POC1B: variants seen among roughly 807,000 people sequenced by gnomAD.
The protein encoded by POC1B is POC1 centriolar protein B.
A neutral mutation model predicts 60.6 loss-of-function variants in POC1B; 44 were observed. The ratio of observed to expected loss-of-function variants is 0.73; its 90% confidence interval spans 0.57 to 0.93. The LOEUF is 0.93. Ranked by LOEUF, POC1B falls within the 40% of genes least tolerant of loss-of-function variation. The pLI is 0.00. For synonymous variants in POC1B, 180 were observed against 198.9 expected (o/e 0.90, Z 0.80); for missense variants, 555 against 572.3 (o/e 0.97, Z 0.31).
At chr12:89,491,133 C>G (rs558985824) in intron 4 of POC1B, among the ~76,000 whole-genome samples, 1 of 152,286 alleles carries the variant, frequency 6.6e-6, no homozygotes, top group South Asian at 2.1e-4. Flanking sequence ...CCCCACCCAC[C>G]CTCACCTGTG....
At chr12:89,525,551 CTT>C in intron 1 of POC1B, 571 of 1,126,152 alleles carry the variant, frequency 5.1e-4, no homozygotes, top group East Asian at 2.0e-3. Context: ...GGCTTTGGTA[CTT>C]TTTTTTTTTT....
chr12:89,445,943 G>A (rs1881767315), intron 10 of POC1B, among the ~76,000 whole-genome samples: 2 of 152,264 alleles, frequency 1.3e-5, no homozygotes, highest in South Asian at 4.1e-4. Flanking sequence ...AATGGGCAAA[G>A]GATATAAACA....
chr12:89,511,566 A>C (rs1439338000), intron 2 of POC1B, among the ~76,000 whole-genome samples: 1 of 152,120 alleles, frequency 6.6e-6, no homozygotes, highest in Non-Finnish European at 1.5e-5. Flanking sequence ...TCAGCTTTCT[A>C]GTTTTACCTG....
intron 4 of POC1B, among the ~76,000 whole-genome samples, chr12:89,482,790 AG>A (rs1330437290): frequency 6.6e-6 from 1 of 152,154 alleles, no homozygotes; most frequent in Admixed American, 6.5e-5. Flanking sequence ...GTGTCTAAGG[AG>A]GGCCTGTGAT....
At chr12:89,434,899 G>C (rs1213496955) in intron 10 of POC1B, among the ~76,000 whole-genome samples, 1 of 152,070 alleles carries the variant, frequency 6.6e-6, no homozygotes, top group Non-Finnish European at 1.5e-5. Context: ...TTTTAAAAGG[G>C]ATAAAAGATT....
rs556304301 is a variant in POC1B at position 89,480,792 on chromosome 12, G to A, written c.453-8517C>T. Among the ~76,000 whole-genome samples, 7 of 152,200 alleles carry A rather than the reference G, an allele frequency of 4.6e-5. No individual in the cohort carries two copies. The East Asian group carries it at 9.7e-4, about 21-fold the overall frequency. ...ATTTTTTGTATTTTTAGTAGAGATGGAGTTTCACCATGTTAGCCAGGATGG... is the reference window on the plus strand; with the variant it reads ...ATTTTTTGTATTTTTAGTAGAGATGAAGTTTCACCATGTTAGCCAGGATGG... On this transcript the variant is annotated intron_variant, in intron 4 of 11. Coordinates refer to ENST00000313546, the MANE Select transcript of POC1B (RefSeq NM_172240.3).
At chr12:89,500,972 G>T in intron 2 of POC1B, 1 of 891,936 alleles carries the variant, frequency 1.1e-6, no homozygotes, top group Admixed American at 2.0e-5. Context: ...CACCTCATTC[G>T]TGTCCTCCCG....
intron 10 of POC1B, among the ~76,000 whole-genome samples, chr12:89,430,749 C>T (rs1296946060): frequency 6.6e-6 from 1 of 152,078 alleles, no homozygotes; most frequent in Non-Finnish European, 1.5e-5. Context: ...ATTATGAACC[C>T]CTCATGTGGG....
rs371667910 is a variant in POC1B, at chr12:89,471,654, G to C, written c.636C>G (p.Val212=). ...GTAATTTGTTCACTCTTACATCCCA[G>C]ACTTTCACAGTTTGATCAGAACCTG... ...ASAGSDQTVK[V]WDVRVNKLLQ... Residue 212 remains valine (V), a synonymous_variant, in exon 6 of 12, where the codon GTC becomes GTG. Transcript: ENST00000313546. 2 of 1,611,418 alleles carry C rather than the reference G, an allele frequency of 1.2e-6. No individual in the cohort carries two copies. The highest frequency in any genetic ancestry group is 1.3e-5 in the African/African-American group (1 of 74,642).
chr12:89,402,163 G>A, the POC1B span, among the ~76,000 whole-genome samples: 267 of 151,964 alleles, frequency 1.8e-3, 5 homozygotes, highest in East Asian at 0.015. Context: ...CTTCCTTCCC[G>A]TCCCTTAAAA....
intron 2 of POC1B, chr12:89,522,581 A>C (rs1592650792): frequency 2.4e-6 from 1 of 412,542 alleles, no homozygotes; most frequent in East Asian, 3.7e-5. Context: ...CATATTGACA[A>C]AACTCTTATA....
At chr12:89,498,326 T>C (rs1464472327) in intron 2 of POC1B, among the ~76,000 whole-genome samples, 1 of 152,034 alleles carries the variant, frequency 6.6e-6, no homozygotes, top group Non-Finnish European at 1.5e-5. Context: ...AATGAACAAA[T>C]AAACAAATGA....
At chr12:89,402,740 AC>A in the POC1B span, among the ~76,000 whole-genome samples, 1 of 152,106 alleles carries the variant, frequency 6.6e-6, no homozygotes, top group African/African-American at 2.4e-5. Context: ...CTATGGACAT[AC>A]ATACTTTCTT....
chr12:89,419,335 TAA>T (rs1880434367), downstream of POC1B, among the ~76,000 whole-genome samples: 1 of 151,932 alleles, frequency 6.6e-6, no homozygotes, highest in South Asian at 2.1e-4. Flanking sequence ...AATAAATAAA[TAA>T]AGAGGGAAGT....
intron 9 of POC1B, among the ~76,000 whole-genome samples, chr12:89,464,131 T>C (rs1184897210): frequency 6.6e-6 from 1 of 152,220 alleles, no homozygotes; most frequent in Admixed American, 6.5e-5. Context: ...AGATGTTTAT[T>C]TTCCTTAAAT....
chr12:89,415,778 G>A (rs956176162), downstream of POC1B, among the ~76,000 whole-genome samples: 1 of 152,188 alleles, frequency 6.6e-6, no homozygotes, highest in African/African-American at 2.4e-5. Context: ...TATGGTTAAG[G>A]AAACTAAGCT....
At chr12:89,491,020 T>A (rs2135736984) in intron 4 of POC1B, among the ~76,000 whole-genome samples, 1 of 152,220 alleles carries the variant, frequency 6.6e-6, no homozygotes, top group African/African-American at 2.4e-5. Flanking sequence ...CAGCAAAATG[T>A]AGGTCAAAGA....
At chr12:89,497,697 T>G (rs10858881) in intron 2 of POC1B, among the ~76,000 whole-genome samples, 29,400 of 152,138 alleles carry the variant, frequency 0.19, 3,265 homozygotes, top group South Asian at 0.36. Flanking sequence ...CTAGTTAACC[T>G]CTGTGTCATG....
At chr12:89,512,728 C>T (rs918221069) in intron 2 of POC1B, among the ~76,000 whole-genome samples, 4 of 152,166 alleles carry the variant, frequency 2.6e-5, no homozygotes, top group African/African-American at 7.2e-5. Flanking sequence ...TCACTGTACT[C>T]CAGACTAGGC....
Sources: allele counts gnomAD v4.1 joint callset (sites outside exome capture counted in the v4.1 genomes callset), GRCh38; gene constraint gnomAD v4.1.1; transcripts MANE v1.5; gene names NCBI Gene and HGNC (gene_info 2026-07-23, HGNC 2026-07-21).